The following KCNN3 variants were observed in gnomAD, a reference collection of about 807,000 sequenced individuals.
KCNN3 encodes the protein small conductance calcium-activated potassium channel protein 3.
A neutral mutation model predicts 62.9 loss-of-function variants in KCNN3; 16 were observed. That is an observed-to-expected ratio of 0.25 (90% CI 0.17 to 0.39). The LOEUF is 0.39. Ranked by LOEUF, KCNN3 falls within the 10% of genes least tolerant of loss-of-function variation. The pLI, the probability that KCNN3 is intolerant of heterozygous loss-of-function variation, is 1.00. For synonymous variants in KCNN3, 370 were observed against 389.2 expected (o/e 0.95, Z 0.58); for missense variants, 599 against 949.4 (o/e 0.63, Z 4.85).
At chr1:154,810,188 G>C (rs567126519) in intron 2 of KCNN3, among the ~76,000 whole-genome samples, 2 of 152,130 alleles carry the variant, frequency 1.3e-5, no homozygotes, top group African/African-American at 4.8e-5. Flanking sequence ...GAATATGGGC[G>C]GGGAAACAGG....
intron 3 of KCNN3, among the ~76,000 whole-genome samples, chr1:154,755,685 GAAGGAGA>G (rs1647635217): frequency 1.3e-5 from 2 of 150,096 alleles, no homozygotes; most frequent in Non-Finnish European, 3.0e-5. Flanking sequence ...GAGAGAGGGA[GAAGGAGA>G]AGGGAGAAGA....
intron 3 of KCNN3, among the ~76,000 whole-genome samples, chr1:154,746,587 T>C (rs969921139): frequency 6.6e-6 from 1 of 152,156 alleles, no homozygotes; most frequent in South Asian, 2.1e-4. Context: ...TTCTCTTTCA[T>C]GCTTCTTTTT....
In KCNN3 at chr1:154,706,881, T is replaced by C. The variant is rs28578214; in HGVS notation, c.*1095A>G. On this transcript the variant is annotated 3_prime_UTR_variant, in exon 8 of 8. Transcript: ENST00000271915. ...CATATTTCTATTCACTAAGGTGTTA[T>C]TGGATTGCTCCTGTTTGTGCATGTC... 1 of 152,214 alleles carries C rather than the reference T, an allele frequency of 6.6e-6. No homozygotes were observed. Among genetic ancestry groups the C allele is most frequent in the South Asian group, 2.1e-4 (1 of 4,830 alleles). 9.4% of individuals were successfully genotyped at this position (152,214 alleles called of 1,614,324 possible). A position where few individuals can be genotyped will look rare whatever the true frequency, so the allele number is the denominator to read the frequency against.
At chr1:154,808,154 G>A (rs372501468) in intron 2 of KCNN3, among the ~76,000 whole-genome samples, 1 of 152,018 alleles carries the variant, frequency 6.6e-6, no homozygotes, top group Admixed American at 6.6e-5. Flanking sequence ...CCATCAGATC[G>A]CCATCCCCCA....
intron 6 of KCNN3, among the ~76,000 whole-genome samples, chr1:154,714,506 G>GGT (rs143557549): frequency 6.8e-5 from 5 of 73,740 alleles, no homozygotes; most frequent in Admixed American, 1.7e-4. Flanking sequence ...GTGTGTGTGG[G>GGT]GTGTGTGTGT....
chr1:154,707,226 A>T lies in KCNN3; in HGVS notation c.*750T>A, dbSNP rs959332384. 1.3e-5 allele frequency: 2 copies of T among 152,144 alleles called. No homozygotes were observed. The highest frequency in any genetic ancestry group is 4.8e-5 in the African/African-American group (2 of 41,428). 9.4% of individuals were successfully genotyped at this position (152,144 alleles called of 1,614,324 possible). ...GCACCCCATGTTCAGATTCAGACCA[A>T]CTCAAAACACATGTAAGGGGTGCCT... On this transcript the variant is annotated 3_prime_UTR_variant, in exon 8 of 8. Transcript: ENST00000271915.
chr1:154,850,198 G>T (rs934860191), intron 1 of KCNN3, among the ~76,000 whole-genome samples: 1 of 152,158 alleles, frequency 6.6e-6, no homozygotes, highest in Admixed American at 6.5e-5. Context: ...TCAAGTCACC[G>T]GCCTAAGCTC....
chr1:154,859,793 T>G, intron 1 of KCNN3: 1 of 1,613,800 alleles, frequency 6.2e-7, no homozygotes, highest in East Asian at 2.2e-5. Context: ...CTCTAAGGAG[T>G]AGGTGCCAGC....
chr1:154,850,951 G>A (rs760760160), intron 1 of KCNN3, among the ~76,000 whole-genome samples: 8 of 152,124 alleles, frequency 5.3e-5, no homozygotes, highest in Non-Finnish European at 1.0e-4. Context: ...CTGGAGGCAT[G>A]GATAACTTAG....
intron 2 of KCNN3, among the ~76,000 whole-genome samples, chr1:154,791,677 G>C (rs1218414717): frequency 6.6e-6 from 1 of 152,202 alleles, no homozygotes; most frequent in East Asian, 1.9e-4. Context: ...TTTAGAAATA[G>C]CTTGAAGCCC....
intron 3 of KCNN3, among the ~76,000 whole-genome samples, chr1:154,770,129 G>T: frequency 6.6e-6 from 1 of 152,172 alleles, no homozygotes; most frequent in East Asian, 1.9e-4. Flanking sequence ...TGTGCAGTGT[G>T]GTCCCACTCA....
At chr1:154,745,850 C>T (rs1441607451) in intron 3 of KCNN3, among the ~76,000 whole-genome samples, 1 of 152,134 alleles carries the variant, frequency 6.6e-6, no homozygotes, top group Admixed American at 6.5e-5. Flanking sequence ...AAATAATATG[C>T]TTGGAAGAAG....
At chr1:154,827,972 C>T (rs956839264) in intron 1 of KCNN3, among the ~76,000 whole-genome samples, 5 of 152,170 alleles carry the variant, frequency 3.3e-5, no homozygotes, top group South Asian at 4.2e-4. Flanking sequence ...GACCCTCTCT[C>T]TCCCAGGACT....
intron 5 of KCNN3, among the ~76,000 whole-genome samples, chr1:154,719,275 G>A (rs541179136): frequency 1.3e-5 from 2 of 152,264 alleles, no homozygotes; most frequent in Non-Finnish European, 2.9e-5. Context: ...GGTTGGAGAC[G>A]GGGAAAGGGA....
rs746772658 is a variant in KCNN3 at position 154,869,854 on chromosome 1, TTGCTGC to T, written c.105_110del (p.Gln40_Gln41del). 156 of 1,583,766 alleles carry T rather than the reference TTGCTGC, an allele frequency of 9.8e-5. No individual in the cohort carries two copies. The highest frequency in any genetic ancestry group is 1.1e-4 in the Non-Finnish European group (132 of 1,164,486). Reference sequence around the variant, plus strand: ...CTGGCGGTGGTGGCTGCTGCTGCTGTTGCTGCTGCTGCTGCTGCTGCTGCTCATCCC... The same window carrying T: ...CTGGCGGTGGTGGCTGCTGCTGCTGTTGCTGCTGCTGCTGCTGCTCATCCC... On this transcript the variant is annotated inframe_deletion, in exon 1 of 8. Transcript: ENST00000271915. The surrounding 1 kb of genome is among the most constrained non-coding windows in gnomAD (Gnocchi z 6.1).
At chr1:154,864,394 G>A (rs377122118) in intron 1 of KCNN3, among the ~76,000 whole-genome samples, 2 of 152,266 alleles carry the variant, frequency 1.3e-5, no homozygotes, top group African/African-American at 2.4e-5. Flanking sequence ...CTGCTGCTCT[G>A]CCCTTCTGCA....
Position 154,870,158 on chromosome 1 carries a change from T to A in KCNN3, c.-194A>T. The A allele has an allele frequency of 1.4e-6, 1 of 733,206 alleles. No homozygotes were observed. The allele number at this position is 733,206 out of a possible 1,614,324, so 45.4% of individuals were successfully genotyped here. ...GCTGCCACTCAAGAATGCATTGTATTGGGCAGGGAGGGAGAGCAGGAGGGG... is the reference window on the plus strand; with the variant it reads ...GCTGCCACTCAAGAATGCATTGTATAGGGCAGGGAGGGAGAGCAGGAGGGG... On this transcript the variant is annotated 5_prime_UTR_variant, in exon 1 of 8. Coordinates refer to ENST00000271915, the MANE Select transcript of KCNN3 (RefSeq NM_002249.6).
rs910794332 is a variant in KCNN3, at chr1:154,697,644, G to A, written c.*10332C>T. ...CCATATTTTGCACAGAGAAGAAAAT[G>A]CAGTCTCCCATCCAGATCCTCAGAC... is the stretch of plus-strand genomic sequence containing the variant. On this transcript the variant is annotated 3_prime_UTR_variant, in exon 8 of 8. Coordinates refer to ENST00000271915, the MANE Select transcript of KCNN3 (RefSeq NM_002249.6). 5 of 152,232 alleles carry A rather than the reference G, an allele frequency of 3.3e-5. No individual in the cohort carries two copies. The highest frequency in any genetic ancestry group is 7.3e-5 in the Non-Finnish European group (5 of 68,082). The allele number at this position is 152,232 out of a possible 1,614,324, so 9.4% of individuals were successfully genotyped here.
intron 3 of KCNN3, among the ~76,000 whole-genome samples, chr1:154,735,636 C>T (rs550923824): frequency 3.3e-5 from 5 of 152,170 alleles, no homozygotes; most frequent in African/African-American, 1.2e-4. Context: ...CCCAGGATTG[C>T]GTCTACCCCT....
Sources: allele counts gnomAD v4.1 joint callset (sites outside exome capture counted in the v4.1 genomes callset), GRCh38; gene constraint gnomAD v4.1.1; non-coding constraint Gnocchi (gnomAD v3.1); transcripts MANE v1.5; gene names NCBI Gene and HGNC (gene_info 2026-07-23, HGNC 2026-07-21).